SH2D4A: variants seen among roughly 807,000 people sequenced by gnomAD.
The protein encoded by SH2D4A is SH2 domain containing 4A.
Under a neutral mutation model 64.7 loss-of-function variants are expected in SH2D4A, and 70 were observed. That is an observed-to-expected ratio of 1.08 (90% CI 0.89 to 1.32). SH2D4A has a LOEUF of 1.32. Among genes scored for constraint, SH2D4A ranks in the 40% most tolerant of loss-of-function variants. SH2D4A has a pLI of 0.00. For missense variants in SH2D4A, 706 were observed against 540.1 expected, an observed-to-expected ratio of 1.31 and a Z score of -3.04; for synonymous variants, 268 against 200.7, an observed-to-expected ratio of 1.34 and a Z score of -2.83.
chr8:19,319,765 T>C, intron 2 of SH2D4A, 37 bp downstream of exon 2: 1 of 1,515,594 alleles, frequency 6.6e-7, no homozygotes, highest in East Asian at 2.4e-5. Context: ...GATGTGTTGG[T>C]AGAACAGCTC....
chr8:19,380,393 C>CT (rs1266411317), intron 8 of SH2D4A, among the ~76,000 whole-genome samples: 1 of 147,358 alleles, frequency 6.8e-6, no homozygotes, highest in Non-Finnish European at 1.5e-5. Flanking sequence ...CGATTTGCCT[C>CT]TTTTTTTCTT....
In SH2D4A at chr8:19,359,226, G is replaced by A. The variant is rs572956602; in HGVS notation, c.594+1943G>A. On this transcript the variant is annotated intron_variant, in intron 5 of 9. Coordinates refer to ENST00000265807, the MANE Select transcript of SH2D4A (RefSeq NM_022071.4). Reference sequence around the variant, plus strand: ...CATCTGCTATTACTCTGTGAAACTCGTTAATTTTTCTTCTTTTCCACTGTG... The same window carrying A: ...CATCTGCTATTACTCTGTGAAACTCATTAATTTTTCTTCTTTTCCACTGTG... Among the ~76,000 whole-genome samples the A allele has an allele frequency of 3.8e-3, 572 of 152,216 alleles. 2 individuals carry two copies. The highest frequency in any genetic ancestry group is 0.013 in the African/African-American group (548 of 41,546).
In SH2D4A at chr8:19,314,050, C is replaced by A; in HGVS notation, c.-205+227C>A. 5.8e-6 allele frequency: 6 copies of A among 1,039,490 alleles called. No homozygotes were observed. The South Asian group carries it at 2.1e-4, about 36-fold the overall frequency. The allele number at this position is 1,039,490 out of a possible 1,614,324, so 64.4% of individuals were successfully genotyped here. On this transcript the variant is annotated intron_variant, in intron 1 of 9. Transcript: ENST00000265807. ...CGGCGGGTGTCCGGTGTCCGGTGTCCGGTGTCCGGTGTCTGGAGCCGCTGG... is the reference window on the plus strand; with the variant it reads ...CGGCGGGTGTCCGGTGTCCGGTGTCAGGTGTCCGGTGTCTGGAGCCGCTGG...
Position 19,339,448 on chromosome 8 carries a change from C to T in SH2D4A, c.513+4591C>T, listed in dbSNP as rs149829774. Among the ~76,000 whole-genome samples the T allele has an allele frequency of 6.1e-3, 917 of 151,472 alleles. 4 individuals carry two copies. The highest frequency in any genetic ancestry group is 9.0e-3 in the Non-Finnish European group (610 of 67,924). ...GCACTTATTTCAGTACCTCCAAACA[C>T]ATATCAGATATTTAGTTAGCTCACT... On this transcript the variant is annotated intron_variant, in intron 4 of 9. Coordinates refer to ENST00000265807, the MANE Select transcript of SH2D4A (RefSeq NM_022071.4).
chr8:19,378,406 T>C (rs1358368484), intron 8 of SH2D4A, among the ~76,000 whole-genome samples: 1 of 152,182 alleles, frequency 6.6e-6, no homozygotes, highest in Non-Finnish European at 1.5e-5. Flanking sequence ...ATGCACTATA[T>C]ACAAATTACC....
chr8:19,378,754 C>A (rs2053237799), intron 8 of SH2D4A, among the ~76,000 whole-genome samples: 1 of 151,856 alleles, frequency 6.6e-6, no homozygotes, highest in Non-Finnish European at 1.5e-5. Context: ...ATCCATAATA[C>A]TGTACAACTG....
At chr8:19,334,631 A>G (rs2052414962) in intron 3 of SH2D4A, 55 bp from the exon 4 acceptor site, 10 of 1,529,826 alleles carry the variant, frequency 6.5e-6, no homozygotes, top group Non-Finnish European at 8.8e-6. Flanking sequence ...TGCTTTGGAA[A>G]GGCTCTTCCT....
At chr8:19,392,307 G>A (rs533481195) in intron 8 of SH2D4A, among the ~76,000 whole-genome samples, 20 of 152,178 alleles carry the variant, frequency 1.3e-4, no homozygotes, top group Non-Finnish European at 8.8e-5. Context: ...ATAGAACTGA[G>A]TAGAACTGAG....
chr8:19,383,388 T>TC (rs1367793842), intron 8 of SH2D4A, among the ~76,000 whole-genome samples: 1 of 151,532 alleles, frequency 6.6e-6, no homozygotes, highest in Non-Finnish European at 1.5e-5. Flanking sequence ...TAGGATTTGT[T>TC]CTTGGTTTTT....
chr8:19,329,741 G>T (rs1233992300), intron 2 of SH2D4A, among the ~76,000 whole-genome samples: 16 of 152,142 alleles, frequency 1.1e-4, no homozygotes, highest in Admixed American at 1.0e-3. Flanking sequence ...TTTATCAGGG[G>T]TTTCCACTTT....
intron 4 of SH2D4A, among the ~76,000 whole-genome samples, chr8:19,346,776 T>C (rs1256018748): frequency 6.6e-6 from 1 of 152,160 alleles, no homozygotes; most frequent in Non-Finnish European, 1.5e-5. Flanking sequence ...TTGCCCAGTA[T>C]TGTCTGATGG....
intron 8 of SH2D4A, among the ~76,000 whole-genome samples, chr8:19,392,908 A>AT (rs1248086310): frequency 6.6e-6 from 1 of 151,728 alleles, no homozygotes; most frequent in Non-Finnish European, 1.5e-5. Flanking sequence ...CGCCCGGCTA[A>AT]TTTTTTGTAT....
In SH2D4A at chr8:19,319,683, A is replaced by G. The variant is rs879724769; in HGVS notation, c.136A>G (p.Met46Val). The stretch of plus-strand genomic sequence containing the variant: ...ACGATGGAAAGAAAGAGAAGCAGCT[A>G]TGGAAAGAAAGGAGTCCCTGCCAGT... ...IRRWKEREAA[M>V]ERKESLPVKP... The change falls in exon 2 of 10, where the codon ATG becomes GTG. Residue 46 changes from methionine to valine, a missense_variant. Transcript: ENST00000265807. 1.2e-6 allele frequency: 2 copies of G among 1,607,406 alleles called. No individual in the cohort carries two copies. Among genetic ancestry groups the G allele is most frequent in the Non-Finnish European group, 8.5e-7 (1 of 1,177,704 alleles).
chr8:19,329,245 A>G (rs2052332783), intron 2 of SH2D4A, among the ~76,000 whole-genome samples: 1 of 152,124 alleles, frequency 6.6e-6, no homozygotes, highest in Non-Finnish European at 1.5e-5. Flanking sequence ...TTTACAGAGC[A>G]ATCTCTCCAT....
At chr8:19,331,705 ACTC>A (rs1338106366) in intron 2 of SH2D4A, among the ~76,000 whole-genome samples, 2 of 151,994 alleles carry the variant, frequency 1.3e-5, no homozygotes, top group African/African-American at 2.4e-5. Context: ...CCTCTATTGA[ACTC>A]CTGTTATGTG....
chr8:19,325,122 A>G (rs949438857), intron 2 of SH2D4A, among the ~76,000 whole-genome samples: 1 of 152,012 alleles, frequency 6.6e-6, no homozygotes, highest in Non-Finnish European at 1.5e-5. Flanking sequence ...CTCTATGATG[A>G]TGGGTGGTAT....
chr8:19,361,474 T>G (rs1022800448), intron 6 of SH2D4A, 160 bp downstream of exon 6: 5 of 702,006 alleles, frequency 7.1e-6, no homozygotes, highest in Non-Finnish European at 1.1e-5. Context: ...ACTCAAATGC[T>G]TACAGGCTAC....
At chr8:19,315,172 G>T (rs758694685) in intron 1 of SH2D4A, among the ~76,000 whole-genome samples, 2 of 152,010 alleles carry the variant, frequency 1.3e-5, no homozygotes, top group African/African-American at 2.4e-5. Context: ...GTCTCCTTCT[G>T]TCACCCAGGC....
intron 8 of SH2D4A, among the ~76,000 whole-genome samples, chr8:19,393,063 G>A (rs1357890281): frequency 6.6e-6 from 1 of 152,092 alleles, no homozygotes; most frequent in African/African-American, 2.4e-5. Flanking sequence ...CTTCTTTTAA[G>A]GTTGACATTT....
Sources: gnomAD v4.1 joint callset for allele counts (sites outside exome capture counted in the v4.1 genomes callset) on GRCh38, gnomAD v4.1.1 for gene constraint, MANE v1.5 for transcripts, NCBI Gene and HGNC (gene_info 2026-07-23, HGNC 2026-07-21) for gene names.